Variants in NCAM2 observed in about 807,000 individuals in gnomAD.
NCAM2 encodes the protein neural cell adhesion molecule 2, also known as N-CAM-2.
Under a neutral mutation model 98.1 loss-of-function variants are expected in NCAM2, and 30 were observed. The observed-to-expected ratio is 0.31, with a 90% CI of 0.23 to 0.41. The LOEUF is 0.41. Ranked by LOEUF, NCAM2 falls within the 10% of genes least tolerant of loss-of-function variation. The pLI, the probability that NCAM2 is intolerant of heterozygous loss-of-function variation, is 1.00. For missense variants in NCAM2, 867 were observed against 1,005.8 expected, an observed-to-expected ratio of 0.86 and a Z score of 1.87; for synonymous variants, 368 against 342.4, an observed-to-expected ratio of 1.07 and a Z score of -0.83.
Position 21,385,522 on chromosome 21 carries a change from G to T in NCAM2, c.1195+11509G>T, listed in dbSNP as rs78221477. 1,570 of 572,470 alleles carry T rather than the reference G, an allele frequency of 2.7e-3. 21 individuals are homozygous for T. The African/African-American group carries it at 0.028, about 10-fold the overall frequency. The allele number at this position is 572,470 out of a possible 1,614,324, so 35.5% of individuals were successfully genotyped here. Reference sequence around the variant, plus strand: ...TCAAACCATTTATAATTTGATAGAAGCCGCATTTACTGTAATAGCACTAAA... The same window carrying T: ...TCAAACCATTTATAATTTGATAGAATCCGCATTTACTGTAATAGCACTAAA... On this transcript the variant is annotated intron_variant, in intron 9 of 17. Coordinates refer to ENST00000400546, the MANE Select transcript of NCAM2 (RefSeq NM_004540.5).
At chr21:21,167,262 G>T (rs2067981855) in intron 1 of NCAM2, among the ~76,000 whole-genome samples, 1 of 151,902 alleles carries the variant, frequency 6.6e-6, no homozygotes, top group African/African-American at 2.4e-5. Flanking sequence ...TTTATTATCA[G>T]ATCGCTAAAA....
intron 5 of NCAM2, among the ~76,000 whole-genome samples, chr21:21,292,912 A>G (rs963506253): frequency 6.6e-6 from 1 of 151,944 alleles, no homozygotes; most frequent in African/African-American, 2.4e-5. Flanking sequence ...TCAAGACACA[A>G]TCATGGCAGA....
At chr21:21,348,988 A>G (rs2075264230) in intron 8 of NCAM2, among the ~76,000 whole-genome samples, 1 of 152,172 alleles carries the variant, frequency 6.6e-6, no homozygotes, top group South Asian at 2.1e-4. Flanking sequence ...ATCTACTACA[A>G]GAAATCATTG....
At chr21:21,074,201 G>T (rs970107127) in intron 1 of NCAM2, among the ~76,000 whole-genome samples, 4 of 151,952 alleles carry the variant, frequency 2.6e-5, no homozygotes, top group South Asian at 2.1e-4. Flanking sequence ...AGTACATAAA[G>T]AATTGTAATT....
rs536864735 is a variant in NCAM2 at position 21,222,809 on chromosome 21, A to G, written c.56-57769A>G. Among the ~76,000 whole-genome samples the G allele has an allele frequency of 2.0e-5, 3 of 152,184 alleles. No homozygotes were observed. In the South Asian group the frequency reaches 6.2e-4, roughly 32 times the overall value. On this transcript the variant is annotated intron_variant, in intron 1 of 17. Coordinates refer to ENST00000400546, the MANE Select transcript of NCAM2 (RefSeq NM_004540.5). ...GCAGCAGCAAGTTTTGAGAGGACTG[A>G]CTCTCATTTTCAAAGAAGTCCTACT...
intron 1 of NCAM2, among the ~76,000 whole-genome samples, chr21:21,095,655 A>G (rs1471383569): frequency 6.6e-6 from 1 of 151,628 alleles, no homozygotes; most frequent in Non-Finnish European, 1.5e-5. Flanking sequence ...GAATAAAGAT[A>G]TTGAATACCT....
intron 1 of NCAM2, among the ~76,000 whole-genome samples, chr21:21,205,571 T>A (rs929339948): frequency 3.3e-5 from 5 of 152,196 alleles, no homozygotes; most frequent in African/African-American, 1.2e-4. Context: ...GAAATGCAAT[T>A]AACAGTATAA....
chr21:21,304,957 C>T (rs989787726), intron 5 of NCAM2, among the ~76,000 whole-genome samples: 6 of 152,086 alleles, frequency 3.9e-5, no homozygotes, highest in African/African-American at 1.4e-4. Flanking sequence ...CTGAAATGTA[C>T]TAAATTCATT....
intron 1 of NCAM2, among the ~76,000 whole-genome samples, chr21:21,226,036 G>A (rs1023962458): frequency 4.6e-5 from 7 of 151,944 alleles, no homozygotes; most frequent in African/African-American, 9.7e-5. Flanking sequence ...GGCCATTTTC[G>A]TAAGCAAATT....
At chr21:21,057,142 C>G (rs1263465269) in intron 1 of NCAM2, among the ~76,000 whole-genome samples, 2 of 152,112 alleles carry the variant, frequency 1.3e-5, no homozygotes, top group African/African-American at 4.8e-5. Context: ...TTTAAAGGCT[C>G]AGTTCTAAGA....
intron 1 of NCAM2, among the ~76,000 whole-genome samples, chr21:21,274,352 A>G (rs1469693813): frequency 6.6e-6 from 1 of 152,116 alleles, no homozygotes; most frequent in African/African-American, 2.4e-5. Flanking sequence ...TACAATTAGA[A>G]GAAACAATAA....
At chr21:21,358,124 G>C (rs762468098) in intron 8 of NCAM2, among the ~76,000 whole-genome samples, 4 of 152,102 alleles carry the variant, frequency 2.6e-5, no homozygotes, top group Non-Finnish European at 5.9e-5. Context: ...CAATGTCTAA[G>C]AGAAAATATT....
intron 1 of NCAM2, among the ~76,000 whole-genome samples, chr21:21,264,933 A>G (rs1351710636): frequency 7.9e-5 from 7 of 88,886 alleles, no homozygotes; most frequent in African/African-American, 2.5e-4. Context: ...ATACACATAT[A>G]TATGTGTGTG....
chr21:21,424,247 A>G (rs2077169251), intron 11 of NCAM2, among the ~76,000 whole-genome samples: 1 of 152,208 alleles, frequency 6.6e-6, no homozygotes, highest in African/African-American at 2.4e-5. Context: ...CATTATTTTC[A>G]GAGAATCCAT....
chr21:21,174,019 G>T (rs1289104348), intron 1 of NCAM2, among the ~76,000 whole-genome samples: 1 of 152,102 alleles, frequency 6.6e-6, no homozygotes, highest in Non-Finnish European at 1.5e-5. Flanking sequence ...CGCCTCCCGA[G>T]TTCAAGCGAT....
chr21:21,350,409 A>C (rs1361356768), intron 8 of NCAM2, among the ~76,000 whole-genome samples: 1 of 152,160 alleles, frequency 6.6e-6, no homozygotes, highest in Non-Finnish European at 1.5e-5. Flanking sequence ...ACAATTTTAT[A>C]CTACAATCCA....
intron 14 of NCAM2, among the ~76,000 whole-genome samples, chr21:21,475,857 T>G (rs1985100815): frequency 6.6e-6 from 1 of 152,112 alleles, no homozygotes. Flanking sequence ...AAGTTCTATG[T>G]CACCAAAAAG....
chr21:21,309,133 G>A (rs1273349254), intron 5 of NCAM2, among the ~76,000 whole-genome samples: 1 of 152,032 alleles, frequency 6.6e-6, no homozygotes, highest in African/African-American at 2.4e-5. Flanking sequence ...ATGTTATTGT[G>A]TACTATCATC....
intron 1 of NCAM2, among the ~76,000 whole-genome samples, chr21:21,130,417 T>A (rs1361739236): frequency 1.3e-5 from 2 of 152,138 alleles, no homozygotes; most frequent in African/African-American, 4.8e-5. Flanking sequence ...TCCTCAAAGA[T>A]GTTGAATAAT....
Sources: gnomAD v4.1 joint callset for allele counts (sites outside exome capture counted in the v4.1 genomes callset) on GRCh38, gnomAD v4.1.1 for gene constraint, MANE v1.5 for transcripts, NCBI Gene and HGNC (gene_info 2026-07-23, HGNC 2026-07-21) for gene names.